ANXA7: variants seen among roughly 807,000 people sequenced by gnomAD.
ANXA7 encodes the protein annexin A7.
Under a neutral mutation model 64.9 loss-of-function variants are expected in ANXA7, and 55 were observed. That is an observed-to-expected ratio of 0.85 (90% CI 0.68 to 1.06). The LOEUF (loss-of-function observed/expected upper bound fraction) is 1.06. Ranked by LOEUF, ANXA7 falls within the 50% of genes least tolerant of loss-of-function variation. ANXA7 has a pLI of 0.00. For synonymous variants in ANXA7, 200 were observed against 192.4 expected, an observed-to-expected ratio of 1.04 and a Z score of -0.33; for missense variants, 548 against 582.1, an observed-to-expected ratio of 0.94 and a Z score of 0.60.
intron 1 of ANXA7, among the ~76,000 whole-genome samples, chr10:73,410,230 T>A (rs1216592482): frequency 6.6e-6 from 1 of 151,774 alleles, no homozygotes; most frequent in Non-Finnish European, 1.5e-5. Context: ...ACCCACAGAA[T>A]GGGAGAAAAT....
chr10:73,376,319 G>A (rs193180643), intron 12 of ANXA7, 102 bp from the exon 13 acceptor site: 6 of 1,181,972 alleles, frequency 5.1e-6, no homozygotes, highest in African/African-American at 1.6e-5. Context: ...TCAAAACTTG[G>A]GGGGGAAAAC....
chr10:73,394,300 T>C (rs2055534661), intron 5 of ANXA7, among the ~76,000 whole-genome samples: 1 of 152,244 alleles, frequency 6.6e-6, no homozygotes, highest in Admixed American at 6.5e-5. Context: ...GAAGACAGTG[T>C]GGCGATTCCT....
intron 1 of ANXA7, among the ~76,000 whole-genome samples, chr10:73,409,869 C>T (rs1164561886): frequency 3.3e-5 from 5 of 152,126 alleles, no homozygotes; most frequent in African/African-American, 4.8e-5. Flanking sequence ...CAAATACATA[C>T]AGCCAACTGC....
chr10:73,387,827 A>AG, intron 6 of ANXA7, 44 bp from the exon 7 acceptor site: 3 of 998,694 alleles, frequency 3.0e-6, no homozygotes, highest in Non-Finnish European at 4.8e-6. Context: ...AGTACATGCT[A>AG]GGTGCTGCTT....
rs1564522790 is a variant in ANXA7 at position 73,383,336 on chromosome 10, T to A, written c.757A>T (p.Thr253Ser). Residue 253 changes from threonine (T) to serine (S), a missense_variant, in exon 9 of 13, where the codon ACT becomes TCT. Physicochemically the swap from Thr to Ser is moderately conservative, Grantham distance 58 (BLOSUM62 1). Coordinates refer to ENST00000372921, the MANE Select transcript of ANXA7 (RefSeq NM_001156.5). ...ATCTCAATCAATACACGTTCCTGAG[T>A]TCCTGCTCCCTACATGAAATGAAGG... ...SLRKAMQGAGTQERVLIEILC... is the reference protein window; with the variant it reads ...SLRKAMQGAGSQERVLIEILC... 1.2e-6 allele frequency: 2 copies of A among 1,611,086 alleles called. No homozygotes were observed.
At position 73,387,537 on chromosome 10, in the gene ANXA7, A is replaced by G. The variant is rs894464723; in HGVS notation, c.633+152T>C. On this transcript the variant is annotated intron_variant, in intron 7 of 12. Coordinates refer to ENST00000372921, the MANE Select transcript of ANXA7 (RefSeq NM_001156.5). ...CTCAAAACAAAACAAAACAAAAAAC[A>G]GAAATAGGGAATACAGTACCCTTGA... 6 of 620,300 alleles carry G rather than the reference A, an allele frequency of 9.7e-6. No homozygotes were observed. The African/African-American group carries it at 1.3e-4, about 14-fold the overall frequency. 38.4% of individuals were successfully genotyped at this position (620,300 alleles called of 1,614,324 possible).
At chr10:73,383,404 A>T in intron 8 of ANXA7, 59 bp from the exon 9 acceptor site, 1 of 1,487,802 alleles carries the variant, frequency 6.7e-7, no homozygotes, top group South Asian at 1.3e-5. Context: ...AAGTAATTAA[A>T]TCTTCGTCAA....
At chr10:73,387,636 A>G (rs2055396663) in intron 7 of ANXA7, 53 bp downstream of exon 7, 1 of 1,345,138 alleles carries the variant, frequency 7.4e-7, no homozygotes, top group East Asian at 2.3e-5. Flanking sequence ...TCTGACATGA[A>G]TGCAGAGTCT....
At position 73,378,906 on chromosome 10, in the gene ANXA7, C is replaced by G; in HGVS notation, c.1278+5G>C. 6.2e-7 allele frequency: 1 copy of G among 1,606,946 alleles called. No individual in the cohort carries two copies. Among genetic ancestry groups the G allele is most frequent in the Non-Finnish European group, 8.5e-7 (1 of 1,174,046 alleles). ...ACCCGACAAAAAGAGAGAGGCCTGC[C>G]TCACCTCACTTCGAGTGACCACAAT... On this transcript the variant is annotated splice_donor_5th_base_variant and intron_variant, in intron 12 of 12. Coordinates refer to ENST00000372921, the MANE Select transcript of ANXA7 (RefSeq NM_001156.5).
intron 2 of ANXA7, among the ~76,000 whole-genome samples, chr10:73,399,797 G>C (rs1589661146): frequency 6.6e-6 from 1 of 151,740 alleles, no homozygotes; most frequent in Non-Finnish European, 1.5e-5. Flanking sequence ...ACTCTAGCCT[G>C]GTGACAGAGC....
rs534624220 is a variant in ANXA7, at chr10:73,400,002, G to T, written c.54+801C>A. Among the ~76,000 whole-genome samples the T allele has an allele frequency of 4.0e-5, 6 of 151,892 alleles. No individual in the cohort carries two copies. The East Asian group carries it at 7.7e-4, about 20-fold the overall frequency. On this transcript the variant is annotated intron_variant, in intron 2 of 12. Coordinates refer to ENST00000372921, the MANE Select transcript of ANXA7 (RefSeq NM_001156.5). ...ACTAAAAATACAAAAAATCAGCCAG[G>T]CACAGTGGCGGGCACCTGAAATCCT...
intron 1 of ANXA7, among the ~76,000 whole-genome samples, chr10:73,404,992 T>G (rs2055730100): frequency 6.6e-6 from 1 of 151,628 alleles, no homozygotes; most frequent in Non-Finnish European, 1.5e-5. Context: ...CTCACGCCTG[T>G]AATCCCAACA....
chr10:73,379,779 G>A lies in ANXA7; in HGVS notation c.1165+100C>T, dbSNP rs562073269. 3.4e-6 allele frequency: 4 copies of A among 1,180,406 alleles called. No individual in the cohort carries two copies. The African/African-American group carries it at 4.6e-5, about 13-fold the overall frequency. The allele number at this position is 1,180,406 out of a possible 1,614,324, so 73.1% of individuals were successfully genotyped here. A position where few individuals can be genotyped will look rare whatever the true frequency, so the allele number is the denominator to read the frequency against. On this transcript the variant is annotated intron_variant, in intron 11 of 12. Transcript: ENST00000372921. Reference sequence around the variant, plus strand: ...GATTAGATCAGCTACTGCCTAAGCAGATTCCACGTGGACTATATTATCAAC... The same window carrying A: ...GATTAGATCAGCTACTGCCTAAGCAAATTCCACGTGGACTATATTATCAAC...
intron 5 of ANXA7, among the ~76,000 whole-genome samples, chr10:73,392,695 C>T (rs1234607710): frequency 3.3e-5 from 5 of 152,076 alleles, no homozygotes; most frequent in East Asian, 1.9e-4. Flanking sequence ...ATTGATGGGA[C>T]GTATCTCAAA....
At chr10:73,413,365 T>C (rs2055874511) in intron 1 of ANXA7, among the ~76,000 whole-genome samples, 2 of 152,202 alleles carry the variant, frequency 1.3e-5, no homozygotes, top group Admixed American at 6.5e-5. Context: ...AACAGCGTCA[T>C]GTCTGTCACT....
chr10:73,377,764 G>T (rs562000737), intron 12 of ANXA7, among the ~76,000 whole-genome samples: 1 of 145,314 alleles, frequency 6.9e-6, no homozygotes, highest in African/African-American at 2.7e-5. Flanking sequence ...ATGCCGGGGG[G>T]TGGGTGTGGG....
chr10:73,381,885 T>A (rs1394450458), intron 9 of ANXA7, among the ~76,000 whole-genome samples: 1 of 127,384 alleles, frequency 7.9e-6, no homozygotes. Context: ...CTACCTCCCT[T>A]TTTTTTTTTT....
In ANXA7 at chr10:73,398,342, G is replaced by A. The variant is rs148371444; in HGVS notation, c.98C>T (p.Pro33Leu). ...ESSFPPSGQY[P>L]YPSGFPPMGG... ...CATTGGAGGAAAGCCACTAGGATAAGGATACTGACCAGAAGGGGGAAAAGA... is the reference window on the plus strand; with the variant it reads ...CATTGGAGGAAAGCCACTAGGATAAAGATACTGACCAGAAGGGGGAAAAGA... The change falls in exon 3 of 13, where the codon CCT becomes CTT. Residue 33 changes from proline (P) to leucine (L), a missense_variant. Transcript: ENST00000372921. The A allele has an allele frequency of 3.7e-5, 60 of 1,613,944 alleles. No homozygotes were observed. In the Middle Eastern group the frequency reaches 8.2e-4, roughly 22 times the overall value.
chr10:73,412,380 A>G (rs1040718314), intron 1 of ANXA7, among the ~76,000 whole-genome samples: 6 of 152,068 alleles, frequency 3.9e-5, no homozygotes, highest in Non-Finnish European at 8.8e-5. Context: ...AATTGTACAT[A>G]TATCATTTAT....
Sources: gnomAD v4.1 joint callset for allele counts (sites outside exome capture counted in the v4.1 genomes callset) on GRCh38, gnomAD v4.1.1 for gene constraint, MANE v1.5 for transcripts, NCBI Gene and HGNC (gene_info 2026-07-23, HGNC 2026-07-21) for gene names.